SKAP2: variants seen among roughly 807,000 people sequenced by gnomAD.
SKAP2 encodes the protein src kinase associated phosphoprotein 2, also known as src kinase-associated phosphoprotein 2.
In SKAP2, 28 loss-of-function variants were observed where a neutral mutation model predicts 54.9. The observed-to-expected ratio is 0.51, with a 90% CI of 0.38 to 0.70. The LOEUF (loss-of-function observed/expected upper bound fraction) is 0.70, where lower values mean the gene tolerates loss of function less well. SKAP2 is among the 30% of genes least tolerant of loss of function. SKAP2 has a pLI of 0.00. For missense variants in SKAP2, 356 were observed against 424.1 expected (o/e 0.84, Z 1.41); for synonymous variants, 137 against 134.3 (o/e 1.02, Z -0.14).
chr7:26,810,205 C>T (rs559158455), intron 4 of SKAP2, among the ~76,000 whole-genome samples: 2 of 152,018 alleles, frequency 1.3e-5, no homozygotes, highest in Non-Finnish European at 2.9e-5. Context: ...CATTGTGGTA[C>T]ACCCTTGTAG....
At chr7:26,815,067 C>T (rs1784237803) in intron 4 of SKAP2, among the ~76,000 whole-genome samples, 1 of 148,434 alleles carries the variant, frequency 6.7e-6, no homozygotes, top group African/African-American at 2.5e-5. Flanking sequence ...AGTAAAACCA[C>T]CTATCTACAA....
chr7:26,726,013 A>C, intron 7 of SKAP2, 27 bp from the exon 8 acceptor site: 1 of 1,448,766 alleles, frequency 6.9e-7, no homozygotes, highest in Non-Finnish European at 9.7e-7. Context: ...AGTAAGAACG[A>C]AAATCACCAT....
At chr7:26,850,358 T>C (rs1183310529) in intron 3 of SKAP2, among the ~76,000 whole-genome samples, 1 of 151,718 alleles carries the variant, frequency 6.6e-6, no homozygotes, top group Non-Finnish European at 1.5e-5. Context: ...AGGCGGGTGG[T>C]CTCTTGAGCC....
chr7:26,657,419 A>T, the SKAP2 span, among the ~76,000 whole-genome samples: 2 of 152,138 alleles, frequency 1.3e-5, no homozygotes, highest in Non-Finnish European at 2.9e-5. Flanking sequence ...CTGTTCTAGG[A>T]GCAGAAAGGC....
At chr7:26,695,441 A>G (rs571946099) in intron 9 of SKAP2, among the ~76,000 whole-genome samples, 4 of 152,356 alleles carry the variant, frequency 2.6e-5, no homozygotes, top group Admixed American at 6.5e-5. Flanking sequence ...TATGAATATG[A>G]AAAATGAATT....
intron 4 of SKAP2, among the ~76,000 whole-genome samples, chr7:26,818,099 T>C (rs1784310158): frequency 6.6e-6 from 1 of 152,094 alleles, no homozygotes; most frequent in Non-Finnish European, 1.5e-5. Context: ...TTAAATTTCA[T>C]ATGGAACCAA....
chr7:26,834,203 A>T (rs1447756522), intron 4 of SKAP2, among the ~76,000 whole-genome samples: 2 of 152,196 alleles, frequency 1.3e-5, no homozygotes, highest in Admixed American at 1.3e-4. Flanking sequence ...CAGTGTTTAG[A>T]GGAAATTTAT....
At chr7:26,713,366 T>G (rs1349887246) in intron 9 of SKAP2, among the ~76,000 whole-genome samples, 2 of 152,114 alleles carry the variant, frequency 1.3e-5, no homozygotes, top group African/African-American at 4.8e-5. Context: ...ATGCCTAAAC[T>G]CCCAGCACCT....
At chr7:26,844,408 T>C (rs192838723) in intron 3 of SKAP2, among the ~76,000 whole-genome samples, 1 of 152,232 alleles carries the variant, frequency 6.6e-6, no homozygotes, top group East Asian at 1.9e-4. Flanking sequence ...TCCAAAATTA[T>C]GATGATCTCT....
intron 11 of SKAP2, among the ~76,000 whole-genome samples, chr7:26,680,298 T>C (rs1786463518): frequency 6.6e-6 from 1 of 152,200 alleles, no homozygotes; most frequent in South Asian, 2.1e-4. Flanking sequence ...TATTGCTATA[T>C]AATCTGGATC....
chr7:26,822,610 T>C (rs1341006087), intron 4 of SKAP2, among the ~76,000 whole-genome samples: 9 of 151,842 alleles, frequency 5.9e-5, no homozygotes, highest in Admixed American at 5.9e-4. Context: ...GCGTGGTGGC[T>C]CAAGCCTGTA....
chr7:26,797,453 T>C (rs538523119), intron 4 of SKAP2, among the ~76,000 whole-genome samples: 1 of 152,208 alleles, frequency 6.6e-6, no homozygotes, highest in African/African-American at 2.4e-5. Context: ...TGTCCAAGAC[T>C]GTCAAGGTGG....
chr7:26,662,863 C>T (rs141037519), downstream of SKAP2, among the ~76,000 whole-genome samples: 237 of 152,074 alleles, frequency 1.6e-3, 1 homozygote, highest in African/African-American at 5.4e-3. Context: ...CTATGTAGAG[C>T]GATAAGAATT....
chr7:26,790,228 A>G (rs1420574788), intron 4 of SKAP2, among the ~76,000 whole-genome samples: 1 of 152,170 alleles, frequency 6.6e-6, no homozygotes, highest in Non-Finnish European at 1.5e-5. Context: ...CCTGCCTATT[A>G]CCTGTTTCAG....
At chr7:26,800,297 G>C (rs62448179) in intron 4 of SKAP2, among the ~76,000 whole-genome samples, 6,815 of 152,000 alleles carry the variant, frequency 0.045, 359 homozygotes, top group East Asian at 0.28. Context: ...CATGAAGAAG[G>C]AAATTGAAAA....
chr7:26,689,720 G>A (rs139614150), intron 10 of SKAP2, among the ~76,000 whole-genome samples: 12 of 152,314 alleles, frequency 7.9e-5, no homozygotes, highest in Admixed American at 2.6e-4. Flanking sequence ...AGATCAATTA[G>A]CAGTCTTAAG....
intron 9 of SKAP2, among the ~76,000 whole-genome samples, chr7:26,709,889 A>G (rs1787259991): frequency 1.3e-5 from 2 of 152,130 alleles, no homozygotes; most frequent in Non-Finnish European, 2.9e-5. Flanking sequence ...ATGATATAAG[A>G]GCTTTTCATC....
intron 4 of SKAP2, among the ~76,000 whole-genome samples, chr7:26,785,205 T>C (rs570131470): frequency 6.6e-6 from 1 of 152,260 alleles, no homozygotes; most frequent in African/African-American, 2.4e-5. Context: ...TTGTTTGTTT[T>C]TTTTTAAGAC....
At chr7:26,720,485 A>G (rs1266482130) in intron 9 of SKAP2, among the ~76,000 whole-genome samples, 1 of 152,216 alleles carries the variant, frequency 6.6e-6, no homozygotes, top group Admixed American at 6.5e-5. Flanking sequence ...TATTTTATGA[A>G]TGATTTCATT....
Sources: allele counts gnomAD v4.1 joint callset (sites outside exome capture counted in the v4.1 genomes callset), GRCh38; gene constraint gnomAD v4.1.1; transcripts MANE v1.5; gene names NCBI Gene and HGNC (gene_info 2026-07-23, HGNC 2026-07-21).